UBE2W: variants seen among roughly 807,000 people sequenced by gnomAD.
UBE2W encodes the protein ubiquitin-conjugating enzyme E2 W.
Under a neutral mutation model 27.2 loss-of-function variants are expected in UBE2W, and 18 were observed. The ratio of observed to expected loss-of-function variants is 0.66; its 90% CI spans 0.46 to 0.98. The LOEUF (loss-of-function observed/expected upper bound fraction) is 0.98, where lower values mean the gene tolerates loss of function less well. UBE2W is among the 50% of genes least tolerant of loss of function. UBE2W has a pLI of 0.00. For missense variants in UBE2W, 90 were observed against 180.2 expected (o/e 0.50, Z 2.87); for synonymous variants, 53 against 57.2 (o/e 0.93, Z 0.33).
chr8:73,816,815 T>TGG (rs1195590652), intron 3 of UBE2W, among the ~76,000 whole-genome samples: 1 of 152,102 alleles, frequency 6.6e-6, no homozygotes, highest in Non-Finnish European at 1.5e-5. Flanking sequence ...GGCGGATCAC[T>TGG]GGGGGGTTAG....
In UBE2W at chr8:73,787,993, G is replaced by A. The variant is rs1808030885; in HGVS notation, c.*6109C>T. 1.0e-6 allele frequency: 1 copy of A among 985,272 alleles called. No homozygotes were observed. Among genetic ancestry groups the A allele is most frequent in the Non-Finnish European group, 1.2e-6 (1 of 829,926 alleles). 61.0% of individuals were successfully genotyped at this position (985,272 alleles called of 1,614,324 possible). ...TTCTGTTGCACTCATTTTGGAAATG[G>A]ACATGTTCCTGTTTCTATAATCCTT... On this transcript the variant is annotated 3_prime_UTR_variant, in exon 6 of 6. Transcript: ENST00000602593.
At chr8:73,785,752 G>C (rs1554577831), downstream of UBE2W, among the ~76,000 whole-genome samples, 1 of 151,578 alleles carries the variant, frequency 6.6e-6, no homozygotes, top group Non-Finnish European at 1.5e-5. Flanking sequence ...CCACCACGCC[G>C]TTATTTTATT....
chr8:73,810,717 T>A, intron 3 of UBE2W, 88 bp from the exon 4 acceptor site: 4 of 1,147,490 alleles, frequency 3.5e-6, no homozygotes, highest in Non-Finnish European at 4.6e-6. Context: ...ATATTGATTA[T>A]AAAAAAACAA....
chr8:73,813,104 A>AAAAAAAAAAAG (rs1809234277), intron 3 of UBE2W, among the ~76,000 whole-genome samples: 1 of 148,982 alleles, frequency 6.7e-6, no homozygotes, highest in Non-Finnish European at 1.5e-5. Flanking sequence ...AAAAAAAAAA[A>AAAAAAAAAAAG]AAAAAGAACA....
Position 73,844,979 on chromosome 8 carries a change from G to A in UBE2W, c.16-14507C>T, listed in dbSNP as rs542652109. ...CCGCCCCGTCTGGGAAGCGAGGAGC[G>A]TCTCCGCCCTGCAGCCGCCCCGTCC... On this transcript the variant is annotated intron_variant, in intron 1 of 5. Coordinates refer to ENST00000602593, the MANE Select transcript of UBE2W (RefSeq NM_018299.6). Among the ~76,000 whole-genome samples, 138 of 144,320 alleles carry A rather than the reference G, an allele frequency of 9.6e-4. 1 individual carries two copies. The highest frequency in any genetic ancestry group is 2.9e-3 in the Admixed American group (41 of 14,204). The allele number at this position is 144,320 out of a possible 152,430, so 94.7% of individuals were successfully genotyped here.
In UBE2W at chr8:73,790,182, A is replaced by AG. The variant is rs1336231785; in HGVS notation, c.*3919dup. ...GTCCTTCTGTAGAATCCCTAACCTC[A>AG]GAAAAAAAAAAGAGAGAATAAATTA... On this transcript the variant is annotated 3_prime_UTR_variant, in exon 6 of 6. Coordinates refer to ENST00000602593, the MANE Select transcript of UBE2W (RefSeq NM_018299.6). 15 of 984,700 alleles carry AG rather than the reference A, an allele frequency of 1.5e-5. No homozygotes were observed. The Admixed American group carries it at 1.8e-4, about 12-fold the overall frequency. 61.0% of individuals were successfully genotyped at this position (984,700 alleles called of 1,614,324 possible).
At chr8:73,821,826 C>T (rs1809628028) in intron 3 of UBE2W, among the ~76,000 whole-genome samples, 1 of 152,024 alleles carries the variant, frequency 6.6e-6, no homozygotes, top group South Asian at 2.1e-4. Context: ...CATGGCAAGA[C>T]CCCATCTCTA....
At chr8:73,857,223 C>T (rs1272007042) in intron 1 of UBE2W, among the ~76,000 whole-genome samples, 2 of 151,946 alleles carry the variant, frequency 1.3e-5, no homozygotes, top group Admixed American at 1.3e-4. Context: ...CTTGTATATG[C>T]TGGTCAGAGT....
At chr8:73,873,611 A>G (rs7828395) in intron 1 of UBE2W, among the ~76,000 whole-genome samples, 17,503 of 152,214 alleles carry the variant, frequency 0.11, 3,234 homozygotes, top group African/African-American at 0.39. Flanking sequence ...AGCCAAGACC[A>G]CGTCACTGCA....
intron 5 of UBE2W, among the ~76,000 whole-genome samples, chr8:73,802,948 T>C (rs58172176): frequency 0.12 from 17,503 of 151,986 alleles, 3,238 homozygotes; most frequent in African/African-American, 0.39. Context: ...GTGTGAACCC[T>C]GGGAGGTGGA....
At position 73,788,579 on chromosome 8, in the gene UBE2W, A is replaced by C. The variant is rs1808060766; in HGVS notation, c.*5523T>G. The stretch of plus-strand genomic sequence containing the variant: ...TTCATGGTATCTGACACAATTTACC[A>C]AGTTCCTTATGGTAGATTTCAGGCT... On this transcript the variant is annotated 3_prime_UTR_variant, in exon 6 of 6. Transcript: ENST00000602593. The C allele has an allele frequency of 2.0e-6, 2 of 985,322 alleles. No homozygotes were observed. The highest frequency in any genetic ancestry group is 9.4e-5 in the South Asian group (2 of 21,294). 61.0% of individuals were successfully genotyped at this position (985,322 alleles called of 1,614,324 possible). A position where few individuals can be genotyped will look rare whatever the true frequency, so the allele number is the denominator to read the frequency against.
At position 73,793,641 on chromosome 8, in the gene UBE2W, A is replaced by C. The variant is rs1212134943; in HGVS notation, c.*461T>G. 7 of 986,626 alleles carry C rather than the reference A, an allele frequency of 7.1e-6. No individual in the cohort carries two copies. The highest frequency in any genetic ancestry group is 5.1e-4 in the Middle Eastern group (1 of 1,946). 61.1% of individuals were successfully genotyped at this position (986,626 alleles called of 1,614,324 possible). A position where few individuals can be genotyped will look rare whatever the true frequency, so the allele number is the denominator to read the frequency against. ...AAAGTAATGTTGGATCCCTCACTTT[A>C]TTTATATTCCCACTATAACCAGTAA... On this transcript the variant is annotated 3_prime_UTR_variant, in exon 6 of 6. Coordinates refer to ENST00000602593, the MANE Select transcript of UBE2W (RefSeq NM_018299.6).
At chr8:73,848,425 G>T (rs1467365202) in intron 1 of UBE2W, among the ~76,000 whole-genome samples, 3 of 152,274 alleles carry the variant, frequency 2.0e-5, no homozygotes, top group East Asian at 3.9e-4. Context: ...GGTGGCTCAT[G>T]CCTGTAATCC....
intron 1 of UBE2W, chr8:73,831,189 G>A (rs1810050233): frequency 6.7e-6 from 3 of 449,196 alleles, no homozygotes; most frequent in Admixed American, 6.8e-5. Flanking sequence ...AGCCAAATGG[G>A]TGGCTTTCCT....
At chr8:73,876,916 A>G (rs1046827653) in intron 1 of UBE2W, among the ~76,000 whole-genome samples, 2 of 151,782 alleles carry the variant, frequency 1.3e-5, no homozygotes, top group African/African-American at 4.9e-5. Context: ...GCGGTGAGCC[A>G]AGATCGCCCC....
At chr8:73,877,242 G>A (rs1812271238) in intron 1 of UBE2W, among the ~76,000 whole-genome samples, 1 of 152,186 alleles carries the variant, frequency 6.6e-6, no homozygotes, top group Non-Finnish European at 1.5e-5. Flanking sequence ...TGCATCTACT[G>A]TTCAACTAGC....
chr8:73,874,154 G>A (rs541793106), intron 1 of UBE2W, among the ~76,000 whole-genome samples: 80 of 152,268 alleles, frequency 5.3e-4, no homozygotes, highest in African/African-American at 1.8e-3. Context: ...AAACACGGCC[G>A]GGCGCGGTGG....
At chr8:73,829,543 G>A (rs1809985584) in intron 2 of UBE2W, among the ~76,000 whole-genome samples, 1 of 150,492 alleles carries the variant, frequency 6.6e-6, no homozygotes, top group African/African-American at 2.4e-5. Flanking sequence ...ATATTTTTAA[G>A]TGATTGTTAC....
chr8:73,854,059 G>C (rs1409503573), intron 1 of UBE2W, among the ~76,000 whole-genome samples: 2 of 152,202 alleles, frequency 1.3e-5, no homozygotes, highest in African/African-American at 2.4e-5. Context: ...TGAGGAGGGA[G>C]GATCACTTGA....
Sources: gnomAD v4.1 joint callset for allele counts (sites outside exome capture counted in the v4.1 genomes callset) on GRCh38, gnomAD v4.1.1 for gene constraint, MANE v1.5 for transcripts, NCBI Gene and HGNC (gene_info 2026-07-23, HGNC 2026-07-21) for gene names.